The following ZFHX3 variants were observed in gnomAD, a reference collection of about 807,000 sequenced individuals.
The protein encoded by ZFHX3 is zinc finger homeobox protein 3.
In ZFHX3, 42 loss-of-function variants were observed where a neutral mutation model predicts 279.1. The observed-to-expected ratio is 0.15, with a 90% CI of 0.12 to 0.19. The LOEUF is 0.19. Among genes scored for constraint, ZFHX3 ranks in the 10% least tolerant of loss-of-function variants. The probability of loss-of-function intolerance (pLI) is 1.00; values close to 1 mark genes in which losing one functional copy is unlikely to be tolerated. For missense variants in ZFHX3, 4,981 were observed against 4,754.0 expected (o/e 1.05, Z -1.40); for synonymous variants, 2,293 against 1,957.8 (o/e 1.17, Z -4.52).
At chr16:72,898,781 C>T (rs541796527) in intron 3 of ZFHX3, among the ~76,000 whole-genome samples, 8 of 149,484 alleles carry the variant, frequency 5.4e-5, no homozygotes, top group South Asian at 2.1e-4. Flanking sequence ...GTAGGTGCTT[C>T]GCCCATAGTA....
At chr16:72,997,301 G>A (rs1023263859) in intron 1 of ZFHX3, among the ~76,000 whole-genome samples, 9 of 152,096 alleles carry the variant, frequency 5.9e-5, no homozygotes, top group Non-Finnish European at 8.8e-5. Context: ...TTGAACAACC[G>A]GATTCTGAGG....
chr16:73,450,364 G>A (rs1038409892), intron 3 of ZFHX3, among the ~76,000 whole-genome samples: 3 of 152,054 alleles, frequency 2.0e-5, no homozygotes, highest in Non-Finnish European at 4.4e-5. Context: ...AGATTTGAAA[G>A]ACTTTTTTAG....
intron 2 of ZFHX3, among the ~76,000 whole-genome samples, chr16:73,541,759 C>G (rs2020016309): frequency 6.7e-6 from 1 of 149,386 alleles, no homozygotes; most frequent in Non-Finnish European, 1.5e-5. Flanking sequence ...CCAGCCCTGT[C>G]CTCCTGCCCT....
intron 1 of ZFHX3, among the ~76,000 whole-genome samples, chr16:72,990,446 T>A (rs958401844): frequency 1.3e-5 from 2 of 152,098 alleles, no homozygotes; most frequent in African/African-American, 4.8e-5. Flanking sequence ...CTTGCCCTGA[T>A]TTGAAGCGGG....
chr16:73,466,086 C>A (rs2018566140), intron 2 of ZFHX3, among the ~76,000 whole-genome samples: 1 of 152,030 alleles, frequency 6.6e-6, no homozygotes. Flanking sequence ...AGGAAACAAA[C>A]AAAAACCCAG....
chr16:73,878,665 C>G (rs969501048), intron 1 of ZFHX3, among the ~76,000 whole-genome samples: 3 of 150,926 alleles, frequency 2.0e-5, no homozygotes, highest in African/African-American at 7.3e-5. Flanking sequence ...TTGAGAGTTA[C>G]AGGTAACTAG....
intron 1 of ZFHX3, among the ~76,000 whole-genome samples, chr16:73,694,836 C>A (rs1336943225): frequency 6.6e-6 from 1 of 152,190 alleles, no homozygotes; most frequent in African/African-American, 2.4e-5. Context: ...TGGAAGCTCT[C>A]CAAAATACAA....
At chr16:73,162,637 T>C (rs1686550832) in intron 5 of ZFHX3, among the ~76,000 whole-genome samples, 1 of 152,140 alleles carries the variant, frequency 6.6e-6, no homozygotes, top group Admixed American at 6.5e-5. Flanking sequence ...AATTTTTGTA[T>C]TGTTTTGTAG....
At chr16:73,165,210 A>G (rs987616583) in intron 5 of ZFHX3, among the ~76,000 whole-genome samples, 1 of 152,202 alleles carries the variant, frequency 6.6e-6, no homozygotes, top group African/African-American at 2.4e-5. Flanking sequence ...TGCAAGGTCC[A>G]AGCTGGAATT....
At chr16:73,522,797 A>T (rs1597368708) in intron 2 of ZFHX3, among the ~76,000 whole-genome samples, 2 of 152,318 alleles carry the variant, frequency 1.3e-5, no homozygotes, top group East Asian at 3.9e-4. Context: ...ACTGACTCCC[A>T]GTTCCACCTG....
At chr16:73,068,975 C>T (rs1306276711) in intron 8 of ZFHX3, among the ~76,000 whole-genome samples, 2 of 152,240 alleles carry the variant, frequency 1.3e-5, no homozygotes, top group Non-Finnish European at 2.9e-5. Context: ...CTGACCACCC[C>T]TTTGGGCGCA....
intron 2 of ZFHX3, among the ~76,000 whole-genome samples, chr16:73,463,623 C>T (rs964814415): frequency 3.9e-5 from 6 of 152,072 alleles, no homozygotes; most frequent in East Asian, 1.9e-4. Flanking sequence ...ACTTTTTCCC[C>T]GTCGAACCCC....
chr16:73,416,861 G>C (rs1046899334), intron 3 of ZFHX3, among the ~76,000 whole-genome samples: 1 of 151,744 alleles, frequency 6.6e-6, no homozygotes, highest in African/African-American at 2.4e-5. Context: ...GCGACAGAGC[G>C]AGACTCCGTC....
intron 1 of ZFHX3, among the ~76,000 whole-genome samples, chr16:73,831,770 G>A (rs892067610): frequency 6.6e-6 from 1 of 152,218 alleles, no homozygotes; most frequent in African/African-American, 2.4e-5. Context: ...GAGATAGGAT[G>A]GGCAAGGGAA....
At chr16:73,611,541 G>C (rs983367490) in intron 2 of ZFHX3, among the ~76,000 whole-genome samples, 2 of 152,056 alleles carry the variant, frequency 1.3e-5, no homozygotes, top group African/African-American at 4.8e-5. Context: ...AATTAAACTA[G>C]ATGAATCTCA....
At chr16:72,938,382 C>T (rs1960232346) in intron 3 of ZFHX3, among the ~76,000 whole-genome samples, 1 of 152,268 alleles carries the variant, frequency 6.6e-6, no homozygotes, top group Admixed American at 6.5e-5. Flanking sequence ...AGTCTCCCCT[C>T]AGCGGAGCTG....
chr16:73,094,974 C>T (rs1004703049), intron 7 of ZFHX3, among the ~76,000 whole-genome samples: 1 of 152,110 alleles, frequency 6.6e-6, no homozygotes. Flanking sequence ...CCTCCTAAAG[C>T]GTTGGGATTA....
chr16:72,907,342 C>T lies in ZFHX3; in HGVS notation c.3217-17380G>A, dbSNP rs187416544. Among the ~76,000 whole-genome samples, 159 of 152,222 alleles carry T rather than the reference C, an allele frequency of 1.0e-3. 1 individual carries two copies. The Middle Eastern group carries it at 0.027, about 26-fold the overall frequency. On this transcript the variant is annotated intron_variant, in intron 3 of 9. Transcript: ENST00000268489. ...CATTCATTCCCCGTGTGTCTGTCTA[C>T]ATTCCTGCTGCTTCTTTCCTCACGC...
intron 3 of ZFHX3, among the ~76,000 whole-genome samples, chr16:73,363,014 C>CT (rs1341002491): frequency 2.6e-5 from 4 of 152,220 alleles, no homozygotes; most frequent in Non-Finnish European, 4.4e-5. Context: ...GAGGTGGAGT[C>CT]TATTTCTCTA....
Sources: gnomAD v4.1 joint callset for allele counts (sites outside exome capture counted in the v4.1 genomes callset) on GRCh38, gnomAD v4.1.1 for gene constraint, MANE v1.5 for transcripts, NCBI Gene and HGNC (gene_info 2026-07-23, HGNC 2026-07-21) for gene names.